SLC24A2: variants seen among roughly 807,000 people sequenced by gnomAD.
The protein encoded by SLC24A2 is sodium/potassium/calcium exchanger 2.
A neutral mutation model predicts 62.0 loss-of-function variants in SLC24A2; 36 were observed. The ratio of observed to expected loss-of-function variants is 0.58; its 90% CI spans 0.44 to 0.77. The LOEUF (loss-of-function observed/expected upper bound fraction) is 0.77. Ranked by LOEUF, SLC24A2 falls within the 30% of genes least tolerant of loss-of-function variation. The pLI, the probability that SLC24A2 is intolerant of heterozygous loss-of-function variation, is 0.00. For synonymous variants in SLC24A2, 358 were observed against 294.0 expected (o/e 1.22, Z -2.23); for missense variants, 846 against 817.9 (o/e 1.03, Z -0.42).
At chr9:19,707,186 C>A (rs1026588313) in intron 2 of SLC24A2, among the ~76,000 whole-genome samples, 2 of 151,826 alleles carry the variant, frequency 1.3e-5, no homozygotes, top group African/African-American at 4.8e-5. Flanking sequence ...GACACATACA[C>A]CCTCCCAAGA....
At chr9:19,648,258 A>T (rs547639370) in intron 2 of SLC24A2, among the ~76,000 whole-genome samples, 23 of 152,334 alleles carry the variant, frequency 1.5e-4, no homozygotes, top group Admixed American at 4.6e-4. Context: ...GTACTGCCAC[A>T]TCTGTCTGAT....
the SLC24A2 span, among the ~76,000 whole-genome samples, chr9:19,885,740 C>G: frequency 6.6e-6 from 1 of 152,048 alleles, no homozygotes; most frequent in Non-Finnish European, 1.5e-5. Context: ...CTGTGCCTCT[C>G]CCTCCTCCCA....
At chr9:19,750,636 A>G (rs562329631) in intron 2 of SLC24A2, among the ~76,000 whole-genome samples, 1 of 152,300 alleles carries the variant, frequency 6.6e-6, no homozygotes, top group South Asian at 2.1e-4. Context: ...TCTTTATAAA[A>G]TGCAATTTTG....
At chr9:19,523,583 C>A (rs1237728578) in intron 9 of SLC24A2, among the ~76,000 whole-genome samples, 3 of 152,096 alleles carry the variant, frequency 2.0e-5, no homozygotes, top group Non-Finnish European at 2.9e-5. Context: ...CTGCCTCAGC[C>A]TCCCAAGTAG....
chr9:20,027,864 T>A, the SLC24A2 span, among the ~76,000 whole-genome samples: 1 of 152,222 alleles, frequency 6.6e-6, no homozygotes, highest in African/African-American at 2.4e-5. Context: ...TCAATGTATA[T>A]ATACTTCAAA....
At chr9:19,980,040 C>T in the SLC24A2 span, among the ~76,000 whole-genome samples, 6 of 152,080 alleles carry the variant, frequency 3.9e-5, no homozygotes, top group South Asian at 2.1e-4. Context: ...AGACAGAAGA[C>T]GCATGTAAAG....
chr9:20,281,775 T>C, the SLC24A2 span, among the ~76,000 whole-genome samples: 4 of 152,226 alleles, frequency 2.6e-5, no homozygotes, highest in Non-Finnish European at 5.9e-5. Context: ...AGTGCTGCTA[T>C]AAAAATTCTA....
the SLC24A2 span, among the ~76,000 whole-genome samples, chr9:19,901,926 G>T: frequency 6.6e-6 from 1 of 152,170 alleles, no homozygotes; most frequent in Non-Finnish European, 1.5e-5. Context: ...GAATGTGACT[G>T]AGCTGCAATT....
the SLC24A2 span, among the ~76,000 whole-genome samples, chr9:20,243,152 C>G: frequency 6.6e-6 from 1 of 152,252 alleles, no homozygotes; most frequent in South Asian, 2.1e-4. Flanking sequence ...TTTTACTACT[C>G]CTTTTATTGC....
At chr9:20,077,367 T>C in the SLC24A2 span, among the ~76,000 whole-genome samples, 2 of 152,200 alleles carry the variant, frequency 1.3e-5, no homozygotes, top group Non-Finnish European at 2.9e-5. Flanking sequence ...TATGTTACTA[T>C]CTACATGTAT....
intron 2 of SLC24A2, among the ~76,000 whole-genome samples, chr9:19,623,058 C>T (rs182504192): frequency 8.5e-5 from 13 of 152,248 alleles, no homozygotes; most frequent in Middle Eastern, 3.4e-3. Flanking sequence ...CTGCTGGAAG[C>T]GAACGCAACT....
the SLC24A2 span, among the ~76,000 whole-genome samples, chr9:20,244,013 C>T: frequency 1.2e-4 from 19 of 152,086 alleles, no homozygotes; most frequent in Non-Finnish European, 2.6e-4. Context: ...CGGCTGCTGT[C>T]CCAGCCTGTG....
intron 2 of SLC24A2, among the ~76,000 whole-genome samples, chr9:19,747,427 ATATACT>A (rs1267085638): frequency 1.3e-5 from 2 of 152,192 alleles, no homozygotes; most frequent in Non-Finnish European, 2.9e-5. Flanking sequence ...GTCCTTATAC[ATATACT>A]TAATCTCTTT....
At chr9:19,634,467 T>C (rs747900565) in intron 2 of SLC24A2, among the ~76,000 whole-genome samples, 6 of 152,032 alleles carry the variant, frequency 3.9e-5, no homozygotes, top group East Asian at 1.9e-4. Context: ...TTTGTATTTT[T>C]AGTAGAGATG....
chr9:20,171,779 C>A, the SLC24A2 span, among the ~76,000 whole-genome samples: 5 of 152,008 alleles, frequency 3.3e-5, no homozygotes, highest in Admixed American at 2.6e-4. Flanking sequence ...GACTTCAATG[C>A]TCCACTGACA....
At chr9:20,232,160 C>T in the SLC24A2 span, among the ~76,000 whole-genome samples, 1 of 152,186 alleles carries the variant, frequency 6.6e-6, no homozygotes, top group Non-Finnish European at 1.5e-5. Context: ...AGGATTTTTG[C>T]ATCAATGTTC....
chr9:20,094,228 A>G, the SLC24A2 span, among the ~76,000 whole-genome samples: 1 of 152,230 alleles, frequency 6.6e-6, no homozygotes, highest in African/African-American at 2.4e-5. Context: ...AAGAATGACT[A>G]TCTTGAGGAA....
chr9:20,258,761 CATTT>C, the SLC24A2 span, among the ~76,000 whole-genome samples: 7 of 142,284 alleles, frequency 4.9e-5, no homozygotes, highest in Admixed American at 1.4e-4. Flanking sequence ...AATCTCCTCT[CATTT>C]ATCTATCTAT....
the SLC24A2 span, among the ~76,000 whole-genome samples, chr9:19,979,231 T>C: frequency 6.6e-6 from 1 of 152,190 alleles, no homozygotes; most frequent in African/African-American, 2.4e-5. Context: ...TATACATCAC[T>C]TGGAGTGATT....
Sources: gnomAD v4.1 joint callset for allele counts (sites outside exome capture counted in the v4.1 genomes callset) on GRCh38, gnomAD v4.1.1 for gene constraint, MANE v1.5 for transcripts, NCBI Gene and HGNC (gene_info 2026-07-23, HGNC 2026-07-21) for gene names.